Variants in ABCD3 observed in about 807,000 individuals in gnomAD.
The protein encoded by ABCD3 is ATP binding cassette subfamily D member 3, also known as ATP-binding cassette sub-family D member 3.
In ABCD3, 41 loss-of-function variants were observed where a neutral mutation model predicts 105.5. That is an observed-to-expected ratio of 0.39 (90% CI 0.30 to 0.50). The LOEUF (loss-of-function observed/expected upper bound fraction) is 0.50. ABCD3 is among the 20% of genes least tolerant of loss of function. The pLI is 0.84. For missense variants in ABCD3, 622 were observed against 806.3 expected (o/e 0.77, Z 2.77); for synonymous variants, 258 against 269.0 (o/e 0.96, Z 0.40).
At chr1:94,511,416 C>A (rs1650666842) in intron 21 of ABCD3, among the ~76,000 whole-genome samples, 3 of 152,048 alleles carry the variant, frequency 2.0e-5, no homozygotes, top group South Asian at 2.1e-4. Flanking sequence ...TCTCTGGCTG[C>A]CCTTAATATT....
At chr1:94,453,966 A>G in intron 1 of ABCD3, among the ~76,000 whole-genome samples, 1 of 151,386 alleles carries the variant, frequency 6.6e-6, no homozygotes, top group South Asian at 2.1e-4. Flanking sequence ...TTTTATTGAA[A>G]TAAGGTTCTG....
the ABCD3 span, among the ~76,000 whole-genome samples, chr1:94,407,593 TACAAC>T: frequency 6.6e-6 from 1 of 152,248 alleles, no homozygotes. Flanking sequence ...CATTGTATCT[TACAAC>T]TGGTTGTGAT....
intron 1 of ABCD3, among the ~76,000 whole-genome samples, chr1:94,421,561 G>GGTGTGT (rs1553167233): frequency 1.7e-4 from 13 of 76,410 alleles, no homozygotes; most frequent in Non-Finnish European, 2.6e-4. Flanking sequence ...GGAGCTATAA[G>GGTGTGT]ATGTGTGTGT....
the ABCD3 span, among the ~76,000 whole-genome samples, chr1:94,391,826 C>A: frequency 6.6e-5 from 10 of 152,170 alleles, no homozygotes; most frequent in Non-Finnish European, 8.8e-5. Context: ...CAGAAAGAGA[C>A]CAATCAGAGG....
At chr1:94,424,905 T>C (rs991844131) in intron 1 of ABCD3, among the ~76,000 whole-genome samples, 1 of 152,254 alleles carries the variant, frequency 6.6e-6, no homozygotes, top group Non-Finnish European at 1.5e-5. Flanking sequence ...TTCACAGTTA[T>C]AGCCCCAGTG....
chr1:94,400,385 C>G, the ABCD3 span, among the ~76,000 whole-genome samples: 1 of 146,654 alleles, frequency 6.8e-6, no homozygotes, highest in African/African-American at 2.5e-5. Context: ...ACCTGGGCAA[C>G]AGAGTGAGAC....
chr1:94,425,953 T>G (rs1239821219), intron 1 of ABCD3, among the ~76,000 whole-genome samples: 1 of 152,206 alleles, frequency 6.6e-6, no homozygotes, highest in African/African-American at 2.4e-5. Context: ...TGAACCTCAG[T>G]AGAACAGGGA....
chr1:94,490,176 G>A (rs768135828), intron 15 of ABCD3, among the ~76,000 whole-genome samples: 1 of 151,934 alleles, frequency 6.6e-6, no homozygotes, highest in Non-Finnish European at 1.5e-5. Flanking sequence ...TGTGTATGTT[G>A]TGAAATGATT....
chr1:94,393,048 A>C, the ABCD3 span, among the ~76,000 whole-genome samples: 2 of 151,170 alleles, frequency 1.3e-5, no homozygotes, highest in South Asian at 4.2e-4. Flanking sequence ...GGAGGCAGAG[A>C]TTGCAGTGAG....
At chr1:94,515,120 A>T (rs1471386664) in intron 21 of ABCD3, 26 bp from the exon 22 acceptor site, 1 of 1,582,448 alleles carries the variant, frequency 6.3e-7, no homozygotes, top group Non-Finnish European at 8.7e-7. Context: ...TTACTCATTA[A>T]ACCTAAATCA....
At chr1:94,395,725 T>G in the ABCD3 span, among the ~76,000 whole-genome samples, 2,621 of 152,222 alleles carry the variant, frequency 0.017, 74 homozygotes, top group African/African-American at 0.06. Context: ...GTAATTGCTG[T>G]TTTTGCCATT....
At chr1:94,423,413 T>G (rs1157594945) in intron 1 of ABCD3, among the ~76,000 whole-genome samples, 1 of 152,240 alleles carries the variant, frequency 6.6e-6, no homozygotes, top group East Asian at 1.9e-4. Context: ...GGAACACAGT[T>G]TCCTCTCCTA....
At chr1:94,400,379 G>A in the ABCD3 span, among the ~76,000 whole-genome samples, 1 of 151,370 alleles carries the variant, frequency 6.6e-6, no homozygotes, top group Non-Finnish European at 1.5e-5. Context: ...ACTCCAACCT[G>A]GGCAACAGAG....
intron 8 of ABCD3, among the ~76,000 whole-genome samples, chr1:94,478,924 TTTAAG>T (rs1196160631): frequency 1.3e-5 from 2 of 152,198 alleles, no homozygotes; most frequent in African/African-American, 4.8e-5. Flanking sequence ...AAGAATCACT[TTTAAG>T]TTTTCTTTGA....
At chr1:94,418,618 C>A in intron 1 of ABCD3, 30 bp downstream of exon 1, 1 of 1,566,748 alleles carries the variant, frequency 6.4e-7, no homozygotes, top group South Asian at 1.2e-5. Flanking sequence ...TGCAGCTTTC[C>A]CGGGCTGGAG....
Position 94,468,016 on chromosome 1 carries a change from T to C in ABCD3, c.335+9T>C. 6.3e-7 allele frequency: 1 copy of C among 1,581,828 alleles called. No homozygotes were observed. The highest frequency in any genetic ancestry group is 8.7e-7 in the Non-Finnish European group (1 of 1,150,888). ...GGGACACTAATTGAAAGGTACTTTT[T>C]CAATCACCTTCCTCCTATATGTATG... On this transcript the variant is annotated intron_variant, in intron 4 of 22. Coordinates refer to ENST00000370214, the MANE Select transcript of ABCD3 (RefSeq NM_002858.4).
chr1:94,421,228 T>C (rs1249654885), intron 1 of ABCD3, among the ~76,000 whole-genome samples: 3 of 152,186 alleles, frequency 2.0e-5, no homozygotes, highest in South Asian at 2.1e-4. Flanking sequence ...CTTATTTTTA[T>C]AGGTTTTTTA....
rs1415531424 is a variant in ABCD3, at chr1:94,498,611, G to A, written c.1396G>A (p.Gly466Arg). 4 of 1,607,700 alleles carry A rather than the reference G, an allele frequency of 2.5e-6. No individual in the cohort carries two copies. The highest frequency in any genetic ancestry group is 3.4e-6 in the Non-Finnish European group (4 of 1,177,746). Residue 466 changes from glycine to arginine, a missense_variant, in exon 17 of 23, where the codon GGG becomes AGG. Coordinates refer to ENST00000370214, the MANE Select transcript of ABCD3 (RefSeq NM_002858.4). The part of the protein sequence containing the change: ...IRDLNFEVRS[G>R]ANVLICGPNG... ...TTTTTTTTTTTTTCAGGTTCGATCT[G>A]GGGCTAATGTTCTAATTTGTGGTCC...
the ABCD3 span, among the ~76,000 whole-genome samples, chr1:94,397,652 G>T: frequency 1.9e-4 from 29 of 152,116 alleles, no homozygotes; most frequent in Non-Finnish European, 3.7e-4. Context: ...CTTGGCTAAG[G>T]TGGTATGTGC....
Sources: allele counts gnomAD v4.1 joint callset (sites outside exome capture counted in the v4.1 genomes callset), GRCh38; gene constraint gnomAD v4.1.1; transcripts MANE v1.5; gene names NCBI Gene and HGNC (gene_info 2026-07-23, HGNC 2026-07-21).